The following OSBPL1A variants were observed in gnomAD, a reference collection of about 807,000 sequenced individuals.
OSBPL1A encodes the protein oxysterol binding protein like 1A.
In OSBPL1A, 80 loss-of-function variants were observed where a neutral mutation model predicts 137.1. The ratio of observed to expected loss-of-function variants is 0.58; its 90% CI spans 0.49 to 0.70. The LOEUF is 0.70. Among genes scored for constraint, OSBPL1A ranks in the 30% least tolerant of loss-of-function variants. The pLI, the probability that OSBPL1A is intolerant of heterozygous loss-of-function variation, is 0.00. For missense variants in OSBPL1A, 970 were observed against 1,129.4 expected, an observed-to-expected ratio of 0.86 and a Z score of 2.02; for synonymous variants, 365 against 389.7, an observed-to-expected ratio of 0.94 and a Z score of 0.75.
intron 27 of OSBPL1A, among the ~76,000 whole-genome samples, chr18:24,164,745 A>G (rs2086105976): frequency 6.6e-6 from 1 of 152,080 alleles, no homozygotes; most frequent in African/African-American, 2.4e-5. Flanking sequence ...TCTTAAAAAA[A>G]CTTAACTACC....
chr18:24,355,177 T>G (rs986684878), intron 4 of OSBPL1A, among the ~76,000 whole-genome samples: 3 of 152,044 alleles, frequency 2.0e-5, no homozygotes, highest in African/African-American at 7.2e-5. Flanking sequence ...GGCATTTAAT[T>G]ACCTGATATG....
intron 23 of OSBPL1A, 144 bp downstream of exon 23, chr18:24,171,265 C>T: frequency 1.8e-6 from 1 of 565,040 alleles, no homozygotes; most frequent in Non-Finnish European, 3.1e-6. Context: ...TGAACCTGAC[C>T]TCGTGATCTG....
At chr18:24,320,528 T>C (rs2090828455) in intron 7 of OSBPL1A, among the ~76,000 whole-genome samples, 1 of 152,062 alleles carries the variant, frequency 6.6e-6, no homozygotes, top group African/African-American at 2.4e-5. Context: ...GCAAAGGCTC[T>C]GAGGTAGGAA....
At chr18:24,230,161 G>T (rs2145994928) in intron 16 of OSBPL1A, among the ~76,000 whole-genome samples, 1 of 152,336 alleles carries the variant, frequency 6.6e-6, no homozygotes, top group South Asian at 2.1e-4. Flanking sequence ...GGGAAGAGGT[G>T]CATCCTGCCT....
At chr18:24,219,586 C>T (rs1255960707) in intron 17 of OSBPL1A, among the ~76,000 whole-genome samples, 2 of 152,096 alleles carry the variant, frequency 1.3e-5, no homozygotes, top group African/African-American at 4.8e-5. Flanking sequence ...GATTTACCTA[C>T]AATAATCACT....
intron 27 of OSBPL1A, among the ~76,000 whole-genome samples, chr18:24,164,516 C>T (rs1383418779): frequency 6.8e-6 from 1 of 147,132 alleles, no homozygotes; most frequent in African/African-American, 2.5e-5. Flanking sequence ...GCAAGCTCTG[C>T]CTCCCGGGTT....
rs562131475 is a variant in OSBPL1A at position 24,298,491 on chromosome 18, G to A, written c.1174+5146C>T. Among the ~76,000 whole-genome samples, 8 of 152,244 alleles carry A rather than the reference G, an allele frequency of 5.3e-5. No homozygotes were observed. The East Asian group carries it at 7.7e-4, about 15-fold the overall frequency. On this transcript the variant is annotated intron_variant, in intron 14 of 27. Transcript: ENST00000319481. ...CCCCCCAGTAGCTGGGACTATAGGC[G>A]TGTGCCACCACGCCCGGCTAATTTT...
intron 14 of OSBPL1A, among the ~76,000 whole-genome samples, chr18:24,283,217 A>G (rs942849186): frequency 2.1e-5 from 3 of 140,554 alleles, no homozygotes; most frequent in Non-Finnish European, 4.6e-5. Context: ...GTAAGCGGAG[A>G]TGGCACCACA....
At chr18:24,315,724 A>ATATT (rs1472168697) in intron 11 of OSBPL1A, among the ~76,000 whole-genome samples, 2 of 121,480 alleles carry the variant, frequency 1.6e-5, no homozygotes, top group Admixed American at 2.2e-4. Flanking sequence ...TAATATATGT[A>ATATT]ATATATTATA....
intron 16 of OSBPL1A, among the ~76,000 whole-genome samples, chr18:24,230,276 G>C (rs1567961783): frequency 6.6e-6 from 1 of 152,170 alleles, no homozygotes; most frequent in Non-Finnish European, 1.5e-5. Context: ...GGAGTTGGTA[G>C]TTAATGGGGA....
chr18:24,181,182 T>C lies in OSBPL1A; in HGVS notation c.1775A>G (p.Lys592Arg). ...EYMEHTYLIH[K>R]ASSLSDPVER... is the part of the protein sequence containing the mutation. ...CACAGGATCAGAGAGTGAACTGGCC[T>C]TGTGGATGAGGTAAGTATGCTCCAT... The change falls in exon 19 of 28, where the codon AAG (lysine) becomes AGG (arginine). Residue 592 changes from lysine (K) to arginine (R), a missense_variant. Physicochemically the swap from Lys to Arg is conservative, Grantham distance 26. Around this residue, in one of 2 missense-constraint regions of OSBPL1A, gnomAD observed 323 missense variants for 456.8 expected, o/e 0.71. Coordinates refer to ENST00000319481, the MANE Select transcript of OSBPL1A (RefSeq NM_080597.4). 6.2e-7 allele frequency: 1 copy of C among 1,614,104 alleles called. No individual in the cohort carries two copies. Among genetic ancestry groups the C allele is most frequent in the Non-Finnish European group, 8.5e-7 (1 of 1,180,004 alleles).
rs200624581 is a variant in OSBPL1A at position 24,293,125 on chromosome 18, A to AAAAAAAAAAAAAAAAAAAAAG, written c.1174+10511_1174+10512insCTTTTTTTTTTTTTTTTTTTT. Among the ~76,000 whole-genome samples, 27 of 82,090 alleles carry AAAAAAAAAAAAAAAAAAAAAG rather than the reference A, an allele frequency of 3.3e-4. 1 individual carries two copies. Among genetic ancestry groups the AAAAAAAAAAAAAAAAAAAAAG allele is most frequent in the Non-Finnish European group, 5.1e-4 (18 of 35,034 alleles). The allele number at this position is 82,090 out of a possible 152,430, so 53.9% of individuals were successfully genotyped here. On this transcript the variant is annotated intron_variant, in intron 14 of 27. Coordinates refer to ENST00000319481, the MANE Select transcript of OSBPL1A (RefSeq NM_080597.4). ...GTCTCAAAAAAAAAAAAAAAAAAAAAAAAGAAAAGAAAAGAAAAAATTAAA... is the reference window on the plus strand; with the variant it reads ...GTCTCAAAAAAAAAAAAAAAAAAAAAAAAAAAAAAAAAAAAAAAAAGAAAGAAAAGAAAAGAAAAAATTAAA...
chr18:24,239,453 AAATT>A, intron 15 of OSBPL1A, 71 bp from the exon 16 acceptor site: 4 of 1,388,454 alleles, frequency 2.9e-6, no homozygotes, highest in Non-Finnish European at 4.0e-6. Context: ...GAGGATGTGA[AAATT>A]AATTGCTTTT....
At chr18:24,181,114 G>T in intron 19 of OSBPL1A, 31 bp downstream of exon 19, 1 of 1,608,134 alleles carries the variant, frequency 6.2e-7, no homozygotes, top group Non-Finnish European at 8.5e-7. Context: ...AGGTCTCTAA[G>T]AGTTAGACCT....
At position 24,377,453 on chromosome 18, in the gene OSBPL1A, G is replaced by T; in HGVS notation, c.81C>A (p.Thr27=). The change falls in exon 2 of 28, where the codon ACC becomes ACA. Residue 27 remains threonine, a synonymous_variant. Coordinates refer to ENST00000319481, the MANE Select transcript of OSBPL1A (RefSeq NM_080597.4). The stretch of plus-strand genomic sequence containing the variant: ...CAGCAATCACTTCATTCCTCGCCAT[G>T]GTCTCTAATAGTTGTCTTACTTCTT... ...NAEEVRQLLE[T]MARNEVIADI... 2 of 1,611,012 alleles carry T rather than the reference G, an allele frequency of 1.2e-6. No individual in the cohort carries two copies. The highest frequency in any genetic ancestry group is 2.2e-5 in the East Asian group (1 of 44,838).
intron 14 of OSBPL1A, among the ~76,000 whole-genome samples, chr18:24,287,539 A>C (rs2090087341): frequency 6.6e-6 from 1 of 152,086 alleles, no homozygotes; most frequent in Admixed American, 6.6e-5. Context: ...TTGGGAGGCC[A>C]AGGCAGGCAG....
At chr18:24,263,856 C>T (rs544864255) in intron 15 of OSBPL1A, among the ~76,000 whole-genome samples, 9 of 152,120 alleles carry the variant, frequency 5.9e-5, no homozygotes, top group Non-Finnish European at 1.2e-4. Flanking sequence ...AGGCTGGTCT[C>T]GAACTCCTGA....
chr18:24,215,674 A>G (rs1043049169), intron 17 of OSBPL1A, among the ~76,000 whole-genome samples: 4 of 152,196 alleles, frequency 2.6e-5, no homozygotes, highest in Non-Finnish European at 5.9e-5. Context: ...CACAGCTCCA[A>G]AGGAAAACAG....
chr18:24,372,706 GC>G (rs1905756146), intron 2 of OSBPL1A, among the ~76,000 whole-genome samples: 1 of 152,082 alleles, frequency 6.6e-6, no homozygotes, highest in Non-Finnish European at 1.5e-5. Context: ...TCCTCTGACA[GC>G]TTGTGACCTG....
Sources: gnomAD v4.1 joint callset for allele counts (sites outside exome capture counted in the v4.1 genomes callset) on GRCh38, gnomAD v4.1.1 for gene constraint, gnomAD v4.1.1 regional missense constraint, MANE v1.5 for transcripts, NCBI Gene and HGNC (gene_info 2026-07-23, HGNC 2026-07-21) for gene names.